Variants in RNF19B observed in about 807,000 individuals in gnomAD.
The protein encoded by RNF19B is ring finger protein 19B, also known as E3 ubiquitin-protein ligase RNF19B.
RNF19B carries 23 observed loss-of-function variants against 65.5 expected under a neutral mutation model. That is an observed-to-expected ratio of 0.35 (90% confidence interval 0.25 to 0.50). The LOEUF (loss-of-function observed/expected upper bound fraction) is 0.50, where lower values mean the gene tolerates loss of function less well. RNF19B is among the 20% of genes least tolerant of loss of function. The pLI, the probability that RNF19B is intolerant of heterozygous loss-of-function variation, is 0.98. For missense variants in RNF19B, 794 were observed against 980.0 expected, an observed-to-expected ratio of 0.81 and a Z score of 2.53; for synonymous variants, 372 against 379.6, an observed-to-expected ratio of 0.98 and a Z score of 0.23.
rs1174302381 is a variant in RNF19B at position 32,964,736 on chromosome 1, G to A, written c.-51C>T. 7 of 1,331,862 alleles carry A rather than the reference G, an allele frequency of 5.3e-6. No individual in the cohort carries two copies. The highest frequency in any genetic ancestry group is 6.7e-6 in the Non-Finnish European group (7 of 1,043,970). 82.5% of individuals were successfully genotyped at this position (1,331,862 alleles called of 1,614,324 possible). On this transcript the variant is annotated 5_prime_UTR_variant, in exon 1 of 9. Transcript: ENST00000235150. This position sits in a 1 kb window ranked among gnomAD's most constrained non-coding sequence, Gnocchi z 6.5. ...GGCGCCCAGCGCCGCCACAGCTCCC[G>A]CCTCAGCGCCCCTCAGCCAGCGCCC... is the stretch of plus-strand genomic sequence containing the variant.
chr1:32,959,881 C>CAAAAAAAA (rs35488614), intron 1 of RNF19B, among the ~76,000 whole-genome samples: 5 of 93,178 alleles, frequency 5.4e-5, no homozygotes, highest in East Asian at 3.1e-4. Context: ...ACTAAAAATA[C>CAAAAAAAA]AAAAAAAAAA....
chr1:32,960,665 C>G (rs986022146), intron 1 of RNF19B, among the ~76,000 whole-genome samples: 1 of 151,776 alleles, frequency 6.6e-6, no homozygotes, highest in African/African-American at 2.4e-5. Flanking sequence ...CTGTTCAAAA[C>G]AAAACAAGGG....
Position 32,937,211 on chromosome 1 carries a change from G to A in RNF19B, c.1791C>T (p.Ser597=). Residue 597 remains serine, a synonymous_variant, in exon 9 of 9, where the codon AGC becomes AGT. Transcript: ENST00000235150. Reference sequence around the variant, plus strand: ...TGCTTCCACTCACCAGCTGATAGTGGCTTGGTTTGGCTTCAATGTCCACTT... The same window carrying A: ...TGCTTCCACTCACCAGCTGATAGTGACTTGGTTTGGCTTCAATGTCCACTT... The part of the protein sequence containing the change: ...EIQVDIEAKP[S]HYQLVSGSST... 1 of 1,614,104 alleles carries A rather than the reference G, an allele frequency of 6.2e-7. No individual in the cohort carries two copies. Among genetic ancestry groups the A allele is most frequent in the Non-Finnish European group, 8.5e-7 (1 of 1,180,024 alleles).
chr1:32,960,487 G>A (rs1642744327), intron 1 of RNF19B, among the ~76,000 whole-genome samples: 1 of 152,122 alleles, frequency 6.6e-6, no homozygotes, highest in South Asian at 2.1e-4. Flanking sequence ...ATAAAACAAA[G>A]GAGCAGTGTG....
intron 6 of RNF19B, among the ~76,000 whole-genome samples, chr1:32,942,696 C>A (rs947457549): frequency 1.4e-4 from 22 of 152,178 alleles, no homozygotes; most frequent in African/African-American, 5.3e-4. Context: ...AATGACTTGT[C>A]CAAGGCCATG....
intron 6 of RNF19B, among the ~76,000 whole-genome samples, chr1:32,942,858 C>T (rs368937852): frequency 1.5e-4 from 23 of 152,148 alleles, no homozygotes; most frequent in South Asian, 1.4e-3. Context: ...CTAGAAAAAC[C>T]GGCCGGGCGC....
downstream of RNF19B, among the ~76,000 whole-genome samples, chr1:32,933,786 A>G (rs1642057761): frequency 6.6e-6 from 1 of 152,156 alleles, no homozygotes; most frequent in Admixed American, 6.5e-5. Context: ...AAACATTTTC[A>G]GTATACCATC....
intron 1 of RNF19B, among the ~76,000 whole-genome samples, 169 bp downstream of exon 1, chr1:32,963,882 T>G (rs891278429): frequency 2.0e-5 from 3 of 152,052 alleles, no homozygotes; most frequent in African/African-American, 7.3e-5. Context: ...GGGCGGGGTG[T>G]CGGGTGCGTT....
intron 6 of RNF19B, among the ~76,000 whole-genome samples, chr1:32,943,454 TA>T (rs1036914677): frequency 1.1e-3 from 156 of 141,136 alleles, no homozygotes; most frequent in Non-Finnish European, 9.2e-4. Context: ...CCGTCTATAC[TA>T]AAAAAAAAAA....
At chr1:32,939,332 T>A (rs750073347) in intron 7 of RNF19B, among the ~76,000 whole-genome samples, 4 of 152,108 alleles carry the variant, frequency 2.6e-5, no homozygotes, top group Non-Finnish European at 4.4e-5. Context: ...GGATTATGGG[T>A]TCCCACCACC....
chr1:32,945,487 G>A (rs1169226089), intron 5 of RNF19B, 27 bp downstream of exon 5: 1 of 1,397,248 alleles, frequency 7.2e-7, no homozygotes, highest in Non-Finnish European at 1.0e-6. Flanking sequence ...AGCTGAGAGA[G>A]AAGAGGTGTG....
At chr1:32,958,760 A>C (rs1642702157) in intron 1 of RNF19B, among the ~76,000 whole-genome samples, 1 of 152,188 alleles carries the variant, frequency 6.6e-6, no homozygotes, top group African/African-American at 2.4e-5. Flanking sequence ...AAGGAGCTTA[A>C]ATGATAAGGG....
chr1:32,930,737 T>A, the RNF19B span, among the ~76,000 whole-genome samples: 1 of 152,142 alleles, frequency 6.6e-6, no homozygotes, highest in Admixed American at 6.5e-5. Context: ...ACTAAGGAAT[T>A]TTTGCCATCT....
At chr1:32,953,159 A>T (rs1057163069) in intron 1 of RNF19B, among the ~76,000 whole-genome samples, 1 of 151,236 alleles carries the variant, frequency 6.6e-6, no homozygotes, top group African/African-American at 2.4e-5. Context: ...TTGTAGAGAC[A>T]GGGTTGGTCT....
intron 8 of RNF19B, among the ~76,000 whole-genome samples, chr1:32,938,140 C>CAAAAAAAAA (rs80176999): frequency 0.025 from 1,153 of 45,224 alleles, no homozygotes; most frequent in East Asian, 0.031. Flanking sequence ...CCAAGAAAGA[C>CAAAAAAAAA]AAAAAAAAAA....
intron 2 of RNF19B, among the ~76,000 whole-genome samples, 165 bp downstream of exon 2, chr1:32,949,404 G>A (rs924763093): frequency 1.8e-4 from 28 of 152,100 alleles, no homozygotes; most frequent in African/African-American, 6.8e-4. Context: ...GGTCAGAGAG[G>A]GAAGTGCTAT....
chr1:32,959,881 CAAAAAAA>C (rs35488614), intron 1 of RNF19B, among the ~76,000 whole-genome samples: 9 of 93,164 alleles, frequency 9.7e-5, no homozygotes, highest in African/African-American at 1.2e-4. Context: ...ACTAAAAATA[CAAAAAAA>C]AAAAAAAAAA....
At position 32,964,553 on chromosome 1, in the gene RNF19B, C is replaced by G; in HGVS notation, c.133G>C (p.Gly45Arg). Residue 45 changes from glycine (G) to arginine (R), a missense_variant, in exon 1 of 9, where the codon GGC becomes CGC. Around this residue, in one of 3 missense-constraint regions of RNF19B, gnomAD observed 374 missense variants for 423.8 expected, o/e 0.88. Transcript: ENST00000235150. This position sits in a 1 kb window ranked among gnomAD's most constrained non-coding sequence, Gnocchi z 6.5. The part of the protein sequence containing the change: ...LHSVFSASAR[G>R]RRARAKPQAE... ...TGCGGCTTGGCCCGGGCGCGGCGGC[C>G]GCGGGCCGAGGCAGAGAAGACGCTG... 1 of 1,274,650 alleles carries G rather than the reference C, an allele frequency of 7.8e-7. No homozygotes were observed. Among genetic ancestry groups the G allele is most frequent in the Non-Finnish European group, 1.0e-6 (1 of 1,003,044 alleles). 79.0% of individuals were successfully genotyped at this position (1,274,650 alleles called of 1,614,324 possible). A position where few individuals can be genotyped will look rare whatever the true frequency, so the allele number is the denominator to read the frequency against.
At chr1:32,962,954 A>G (rs1342935351) in intron 1 of RNF19B, among the ~76,000 whole-genome samples, 1 of 152,186 alleles carries the variant, frequency 6.6e-6, no homozygotes, top group Non-Finnish European at 1.5e-5. Context: ...AATCTGGTGT[A>G]TTATGTCTCT....
Sources: gnomAD v4.1 joint callset for allele counts (sites outside exome capture counted in the v4.1 genomes callset) on GRCh38, gnomAD v4.1.1 for gene constraint, gnomAD v4.1.1 regional missense constraint, Gnocchi (gnomAD v3.1) non-coding constraint, MANE v1.5 for transcripts, NCBI Gene and HGNC (gene_info 2026-07-23, HGNC 2026-07-21) for gene names.